PDZRN3: variants seen among roughly 807,000 people sequenced by gnomAD.
PDZRN3 encodes the protein PDZ domain containing ring finger 3, also known as E3 ubiquitin-protein ligase PDZRN3.
A neutral mutation model predicts 85.7 loss-of-function variants in PDZRN3; 38 were observed. That is an observed-to-expected ratio of 0.44 (90% CI 0.34 to 0.58). PDZRN3 has a LOEUF of 0.58. Among genes scored for constraint, PDZRN3 ranks in the 20% least tolerant of loss-of-function variants. PDZRN3 has a pLI of 0.01. For missense variants in PDZRN3, 1,629 were observed against 1,506.4 expected (o/e 1.08, Z -1.35); for synonymous variants, 759 against 638.0 (o/e 1.19, Z -2.86).
intron 3 of PDZRN3, among the ~76,000 whole-genome samples, chr3:73,551,296 G>T (rs963341275): frequency 5.3e-5 from 8 of 152,162 alleles, no homozygotes; most frequent in Admixed American, 5.2e-4. Flanking sequence ...AAGAAAAGGA[G>T]GGAACCAAGA....
chr3:73,570,995 T>C (rs906204718), intron 3 of PDZRN3, among the ~76,000 whole-genome samples: 3 of 152,238 alleles, frequency 2.0e-5, no homozygotes, highest in African/African-American at 7.2e-5. Flanking sequence ...AAGATTGTGA[T>C]TTTTATCACC....
chr3:73,488,642 G>C (rs1169374401), intron 3 of PDZRN3, among the ~76,000 whole-genome samples: 1 of 152,166 alleles, frequency 6.6e-6, no homozygotes, highest in African/African-American at 2.4e-5. Context: ...TTAGCCCTTA[G>C]AAGAAATTAT....
intron 3 of PDZRN3, among the ~76,000 whole-genome samples, chr3:73,560,248 C>A (rs1335790175): frequency 4.6e-5 from 7 of 152,216 alleles, no homozygotes; most frequent in Admixed American, 4.6e-4. Context: ...ACAATATTCA[C>A]AAATCTGCCA....
chr3:73,593,685 TCTTA>T (rs758173010), intron 3 of PDZRN3, among the ~76,000 whole-genome samples: 5 of 149,160 alleles, frequency 3.4e-5, no homozygotes, highest in Admixed American at 1.4e-4. Context: ...AGTTTTTAAT[TCTTA>T]CTGTTTACCG....
At chr3:73,490,254 T>C (rs1230453322) in intron 3 of PDZRN3, among the ~76,000 whole-genome samples, 2 of 152,200 alleles carry the variant, frequency 1.3e-5, no homozygotes, top group Non-Finnish European at 2.9e-5. Context: ...TACAGAATGC[T>C]TGCTTGGCTG....
At chr3:73,447,442 T>C (rs77825913) in intron 3 of PDZRN3, among the ~76,000 whole-genome samples, 9,228 of 152,094 alleles carry the variant, frequency 0.061, 379 homozygotes, top group Middle Eastern at 0.13. Context: ...CTCTCCCTCC[T>C]TTTGCTGACA....
intron 3 of PDZRN3, chr3:73,433,983 G>A: frequency 1.6e-6 from 2 of 1,284,824 alleles, no homozygotes; most frequent in Non-Finnish European, 2.0e-6. Flanking sequence ...TCCTCTGAGT[G>A]ACTCTGGCAG....
intron 1 of PDZRN3, among the ~76,000 whole-genome samples, chr3:73,612,115 A>T (rs190005544): frequency 2.0e-5 from 3 of 152,206 alleles, no homozygotes; most frequent in African/African-American, 7.2e-5. Flanking sequence ...GTCTCAAAAC[A>T]TAGTAAAACA....
At chr3:73,569,266 A>G (rs1468634317) in intron 3 of PDZRN3, 6 of 1,274,184 alleles carry the variant, frequency 4.7e-6, no homozygotes, top group South Asian at 2.6e-5. Flanking sequence ...AGCCCGAAGA[A>G]TGTCGTATGA....
At chr3:73,391,537 T>A (rs1701527801) in intron 5 of PDZRN3, among the ~76,000 whole-genome samples, 2 of 152,214 alleles carry the variant, frequency 1.3e-5, no homozygotes, top group South Asian at 4.1e-4. Flanking sequence ...TCCCTTAATA[T>A]TCACAGTCAT....
At chr3:73,556,061 A>G (rs1701688507) in intron 3 of PDZRN3, among the ~76,000 whole-genome samples, 1 of 152,188 alleles carries the variant, frequency 6.6e-6, no homozygotes, top group Non-Finnish European at 1.5e-5. Flanking sequence ...TCCTCAATTC[A>G]CCACTGACTG....
intron 3 of PDZRN3, among the ~76,000 whole-genome samples, chr3:73,490,893 CCA>C (rs2106659091): frequency 6.6e-6 from 1 of 152,182 alleles, no homozygotes; most frequent in East Asian, 1.9e-4. Flanking sequence ...GACTCCCTGG[CCA>C]GAGATAAGTG....
At chr3:73,591,699 T>G (rs770202346) in intron 3 of PDZRN3, among the ~76,000 whole-genome samples, 1 of 152,194 alleles carries the variant, frequency 6.6e-6, no homozygotes, top group Admixed American at 6.5e-5. Flanking sequence ...TTTTCTTTAT[T>G]ATGGCAACTT....
intron 3 of PDZRN3, among the ~76,000 whole-genome samples, chr3:73,513,831 A>T (rs1238683672): frequency 2.6e-5 from 4 of 152,218 alleles, no homozygotes; most frequent in African/African-American, 9.6e-5. Flanking sequence ...TTGCACCCGA[A>T]AAGAGACACC....
chr3:73,387,491 G>T (rs2106680448), intron 8 of PDZRN3, among the ~76,000 whole-genome samples: 1 of 152,314 alleles, frequency 6.6e-6, no homozygotes, highest in Admixed American at 6.5e-5. Flanking sequence ...GCTCTCCTGT[G>T]TGTAAAGTGC....
intron 3 of PDZRN3, among the ~76,000 whole-genome samples, chr3:73,546,764 T>C (rs973164949): frequency 1.3e-5 from 2 of 152,266 alleles, no homozygotes; most frequent in Admixed American, 6.5e-5. Flanking sequence ...ACGCTGAAGC[T>C]GAGCAATGAC....
At chr3:73,553,265 T>C (rs1296394849) in intron 3 of PDZRN3, among the ~76,000 whole-genome samples, 1 of 152,160 alleles carries the variant, frequency 6.6e-6, no homozygotes, top group Non-Finnish European at 1.5e-5. Context: ...TTATTCCTCC[T>C]GATTCTATGA....
At chr3:73,391,404 G>C (rs1257129229) in intron 5 of PDZRN3, among the ~76,000 whole-genome samples, 1 of 152,198 alleles carries the variant, frequency 6.6e-6, no homozygotes, top group Non-Finnish European at 1.5e-5. Flanking sequence ...TTCTGGGGCA[G>C]GGCTTTTCAA....
At chr3:73,522,887 T>C (rs1056526514) in intron 3 of PDZRN3, among the ~76,000 whole-genome samples, 2 of 152,256 alleles carry the variant, frequency 1.3e-5, no homozygotes, top group Admixed American at 6.5e-5. Context: ...CTCTAGGACA[T>C]AATTGCTAAC....
Sources: gnomAD v4.1 joint callset for allele counts (sites outside exome capture counted in the v4.1 genomes callset) on GRCh38, gnomAD v4.1.1 for gene constraint, MANE v1.5 for transcripts, NCBI Gene and HGNC (gene_info 2026-07-23, HGNC 2026-07-21) for gene names.